NCOA1: variants seen among roughly 807,000 people sequenced by gnomAD.
The protein encoded by NCOA1 is Hin-2 protein.
NCOA1 carries 35 observed loss-of-function variants against 150.9 expected under a neutral mutation model. The observed-to-expected ratio is 0.23, with a 90% CI of 0.18 to 0.31. The LOEUF is 0.31. Among genes scored for constraint, NCOA1 ranks in the 10% least tolerant of loss-of-function variants. The pLI is 1.00. For missense variants in NCOA1, 1,491 were observed against 1,749.3 expected, an observed-to-expected ratio of 0.85 and a Z score of 2.63; for synonymous variants, 590 against 630.0, an observed-to-expected ratio of 0.94 and a Z score of 0.95.
At chr2:24,596,373 T>C (rs749240542) in intron 3 of NCOA1, among the ~76,000 whole-genome samples, 348 of 152,278 alleles carry the variant, frequency 2.3e-3, no homozygotes, top group Non-Finnish European at 4.5e-3. Flanking sequence ...AAGAATAAAA[T>C]GCCATACAGT....
At chr2:24,728,561 C>A in intron 16 of NCOA1, 85 bp downstream of exon 16, 1 of 1,147,610 alleles carries the variant, frequency 8.7e-7, no homozygotes, top group Non-Finnish European at 1.2e-6. Context: ...AAGTATTGTA[C>A]CCACTATGCT....
chr2:24,625,139 T>A (rs1333385928), intron 3 of NCOA1, among the ~76,000 whole-genome samples: 1 of 152,212 alleles, frequency 6.6e-6, no homozygotes, highest in Admixed American at 6.5e-5. Context: ...ACATTGAAAT[T>A]GAATTTCATG....
chr2:24,673,266 T>G, intron 6 of NCOA1, 100 bp from the exon 7 acceptor site: 1 of 712,934 alleles, frequency 1.4e-6, no homozygotes, highest in Non-Finnish European at 2.2e-6. Context: ...CTAAATGTTA[T>G]TTGAATTTGA....
intron 14 of NCOA1, among the ~76,000 whole-genome samples, chr2:24,718,855 T>A (rs1399874688): frequency 1.4e-5 from 2 of 147,406 alleles, no homozygotes; most frequent in African/African-American, 5.0e-5. Flanking sequence ...GGCGACAGAA[T>A]GAGACTCTGT....
intron 13 of NCOA1, among the ~76,000 whole-genome samples, chr2:24,710,709 A>G (rs56286504): frequency 4.6e-4 from 41 of 89,306 alleles, no homozygotes; most frequent in Admixed American, 2.7e-3. Context: ...TATATCCTGC[A>G]GTATATGAAT....
chr2:24,629,813 CATACATATATAT>C lies in NCOA1; in HGVS notation c.-174-14149_-174-14138del, dbSNP rs1171563155. ...GCCAGACACTGTTTTAAGTAACATA[CATACATATATAT>C]ATATATATATATATATATATATGTA... On this transcript the variant is annotated intron_variant, in intron 3 of 22. Coordinates refer to ENST00000348332, the MANE Select transcript of NCOA1 (RefSeq NM_003743.5). Among the ~76,000 whole-genome samples, 720 of 77,340 alleles carry C rather than the reference CATACATATATAT, an allele frequency of 9.3e-3. 23 individuals are homozygous for C. Among genetic ancestry groups the C allele is most frequent in the African/African-American group, 0.031 (616 of 19,808 alleles). 50.7% of individuals were successfully genotyped at this position (77,340 alleles called of 152,430 possible).
At position 24,638,273 on chromosome 2, in the gene NCOA1, T is replaced by C. The variant is rs577265605; in HGVS notation, c.-174-5693T>C. Among the ~76,000 whole-genome samples the C allele has an allele frequency of 5.9e-5, 9 of 151,470 alleles. No homozygotes were observed. The Middle Eastern group carries it at 0.01, about 172-fold the overall frequency. ...TGTTCCTGGCTTATTTCACTTAATG[T>C]CTTCCAGTTCCAGTCACATTGCCAT... On this transcript the variant is annotated intron_variant, in intron 3 of 22. Transcript: ENST00000348332.
chr2:24,596,820 A>T (rs181364476), intron 3 of NCOA1, among the ~76,000 whole-genome samples: 1 of 152,210 alleles, frequency 6.6e-6, no homozygotes, highest in African/African-American at 2.4e-5. Context: ...ACGCCATTCT[A>T]CAATATTCAT....
intron 3 of NCOA1, among the ~76,000 whole-genome samples, chr2:24,629,240 A>G (rs143633622): frequency 2.6e-5 from 4 of 152,312 alleles, no homozygotes; most frequent in Non-Finnish European, 4.4e-5. Context: ...ATGTGTTTAT[A>G]CTGCACCCAG....
At chr2:24,708,702 A>T (rs1376948955) in intron 13 of NCOA1, among the ~76,000 whole-genome samples, 1 of 152,064 alleles carries the variant, frequency 6.6e-6, no homozygotes, top group African/African-American at 2.4e-5. Flanking sequence ...TATCCACGAG[A>T]CTCCATTCTA....
At chr2:24,692,643 C>A (rs1008413137) in intron 9 of NCOA1, among the ~76,000 whole-genome samples, 4 of 152,134 alleles carry the variant, frequency 2.6e-5, no homozygotes, top group Non-Finnish European at 4.4e-5. Context: ...TTATATCTAA[C>A]CAAAACTACT....
At chr2:24,670,128 G>A (rs188669806) in intron 6 of NCOA1, among the ~76,000 whole-genome samples, 1 of 134,456 alleles carries the variant, frequency 7.4e-6, no homozygotes, top group African/African-American at 2.6e-5. Flanking sequence ...ACAGAGCAAG[G>A]AGTGTCTTAG....
chr2:24,663,994 T>C lies in NCOA1; in HGVS notation c.90-1755T>C, dbSNP rs1200818486. On this transcript the variant is annotated intron_variant, in intron 5 of 22. Transcript: ENST00000348332. ...TGCAGTTTAGATCCATGGATTTAAA[T>C]AGATCAGAACTTTAGACTGAATCTA... is the stretch of plus-strand genomic sequence containing the variant. 2.6e-5 allele frequency among the ~76,000 whole-genome samples: 4 copies of C among 152,356 alleles called. No homozygotes were observed. In the South Asian group the frequency reaches 8.3e-4, roughly 32 times the overall value.
chr2:24,665,904 G>T lies in NCOA1; in HGVS notation c.245G>T (p.Arg82Ile). 2.6e-6 allele frequency: 4 copies of T among 1,517,880 alleles called. No homozygotes were observed. The highest frequency in any genetic ancestry group is 3.5e-6 in the Non-Finnish European group (4 of 1,130,926). The allele number at this position is 1,517,880 out of a possible 1,614,324, so 94.0% of individuals were successfully genotyped here. A position where few individuals can be genotyped will look rare whatever the true frequency, so the allele number is the denominator to read the frequency against. ...GTCGATCAGATACAGCTAATGAAGAGAATGGAACAAGGTAAAAAAGAAAAA... is the reference window on the plus strand; with the variant it reads ...GTCGATCAGATACAGCTAATGAAGATAATGGAACAAGGTAAAAAAGAAAAA... ...KTVDQIQLMK[R>I]MEQEKSTTDD... is the part of the protein sequence containing the mutation. Residue 82 changes from arginine (R) to isoleucine (I), a missense_variant, in exon 6 of 23, where the codon AGA (arginine) becomes ATA (isoleucine). This residue lies in a region of NCOA1 where 80 missense variants were observed against 163.0 expected (regional missense o/e 0.49). Coordinates refer to ENST00000348332, the MANE Select transcript of NCOA1 (RefSeq NM_003743.5).
intron 8 of NCOA1, among the ~76,000 whole-genome samples, chr2:24,690,336 G>A (rs961729753): frequency 1.1e-4 from 16 of 151,948 alleles, no homozygotes; most frequent in African/African-American, 3.9e-4. Flanking sequence ...AGAGTTTAAG[G>A]TAGGAAAACG....
At chr2:24,724,406 A>C (rs1674506560) in intron 14 of NCOA1, among the ~76,000 whole-genome samples, 1 of 152,170 alleles carries the variant, frequency 6.6e-6, no homozygotes, top group Admixed American at 6.5e-5. Flanking sequence ...ATACCTTCAC[A>C]TTTTTTACAG....
intron 6 of NCOA1, among the ~76,000 whole-genome samples, chr2:24,667,373 A>G (rs1394343628): frequency 6.6e-6 from 1 of 152,138 alleles, no homozygotes; most frequent in African/African-American, 2.4e-5. Flanking sequence ...GAAAAAATTC[A>G]TTCCTTATCT....
chr2:24,680,695 C>T (rs531647090), intron 7 of NCOA1, among the ~76,000 whole-genome samples: 1 of 151,838 alleles, frequency 6.6e-6, no homozygotes, highest in African/African-American at 2.4e-5. Context: ...TATTTTATAC[C>T]TGAAAATTGC....
intron 1 of NCOA1, among the ~76,000 whole-genome samples, chr2:24,531,224 A>T (rs1263248428): frequency 6.6e-6 from 1 of 152,162 alleles, no homozygotes; most frequent in Non-Finnish European, 1.5e-5. Context: ...ACGACCCAGC[A>T]ATCCCCCTTA....
Sources: allele counts gnomAD v4.1 joint callset (sites outside exome capture counted in the v4.1 genomes callset), GRCh38; gene constraint gnomAD v4.1.1; regional missense constraint gnomAD v4.1.1; transcripts MANE v1.5; gene names NCBI Gene and HGNC (gene_info 2026-07-23, HGNC 2026-07-21).